The following MME variants were observed in gnomAD, a reference collection of about 807,000 sequenced individuals.
MME encodes membrane metalloendopeptidase.
MME carries 98 observed loss-of-function variants against 113.2 expected under a neutral mutation model. The ratio of observed to expected loss-of-function variants is 0.87; its 90% CI spans 0.74 to 1.02. The LOEUF (loss-of-function observed/expected upper bound fraction) is 1.02, where lower values mean the gene tolerates loss of function less well. MME is among the 50% of genes least tolerant of loss of function. The pLI is 0.00. For synonymous variants in MME, 292 were observed against 300.6 expected, an observed-to-expected ratio of 0.97 and a Z score of 0.30; for missense variants, 836 against 896.0, an observed-to-expected ratio of 0.93 and a Z score of 0.86.
chr3:155,063,668 A>ATAT (rs1714268481), intron 1 of MME, among the ~76,000 whole-genome samples: 2 of 111,392 alleles, frequency 1.8e-5, no homozygotes, highest in African/African-American at 3.5e-5. Context: ...ATAACATATT[A>ATAT]TATATTATAT....
intron 10 of MME, among the ~76,000 whole-genome samples, chr3:155,141,347 T>C (rs774704351): frequency 1.3e-5 from 2 of 152,210 alleles, no homozygotes; most frequent in Admixed American, 1.3e-4. Flanking sequence ...TGTGTCTGTG[T>C]GTGTAAAATA....
chr3:155,042,902 A>T (rs1191473195), intron 1 of MME, among the ~76,000 whole-genome samples: 50 of 50,506 alleles, frequency 9.9e-4, no homozygotes, highest in East Asian at 3.9e-3. Flanking sequence ...AGTAGGTTTT[A>T]TATATATATA....
intron 1 of MME, among the ~76,000 whole-genome samples, chr3:155,051,375 A>G (rs1713758053): frequency 2.0e-5 from 3 of 152,180 alleles, no homozygotes; most frequent in African/African-American, 7.2e-5. Context: ...CAGAAACACT[A>G]TGTGATAGTT....
At chr3:155,094,393 TACACG>T (rs1716545044) in intron 3 of MME, among the ~76,000 whole-genome samples, 1 of 152,220 alleles carries the variant, frequency 6.6e-6, no homozygotes, top group Non-Finnish European at 1.5e-5. Flanking sequence ...TATTTCATGT[TACACG>T]CCCTTCAGGG....
intron 1 of MME, among the ~76,000 whole-genome samples, chr3:155,067,149 C>G (rs1043297187): frequency 6.9e-6 from 1 of 145,250 alleles, no homozygotes; most frequent in African/African-American, 2.5e-5. Flanking sequence ...CTCCCAGAGA[C>G]TTTATTTGTA....
Position 155,142,252 on chromosome 3 carries a change from A to G in MME, c.1110A>G (p.Leu370=). ...TKYSARDLQN[L]MSWRFIMDLV... is the part of the protein sequence containing the mutation. ...TTTTATACAGAGATCTTCAAAATTT[A>G]ATGTCCTGGAGATTCATAATGGATC... The change falls in exon 12 of 23, where the codon TTA becomes TTG. Residue 370 remains leucine, a synonymous_variant. Coordinates refer to ENST00000360490, the MANE Select transcript of MME (RefSeq NM_007289.4). 3.7e-6 allele frequency: 6 copies of G among 1,613,540 alleles called. No homozygotes were observed. The highest frequency in any genetic ancestry group is 5.1e-6 in the Non-Finnish European group (6 of 1,179,640).
intron 8 of MME, among the ~76,000 whole-genome samples, chr3:155,134,719 T>A (rs1720485530): frequency 6.6e-6 from 1 of 152,200 alleles, no homozygotes; most frequent in African/African-American, 2.4e-5. Context: ...TCCAAACTGC[T>A]TTCTGTAGAG....
At chr3:155,114,966 T>G (rs769393919) in intron 3 of MME, 28 bp from the exon 4 acceptor site, 10 of 1,612,506 alleles carry the variant, frequency 6.2e-6, no homozygotes, top group Non-Finnish European at 8.5e-6. Context: ...ACCCATCATT[T>G]TATCTAGTGT....
intron 1 of MME, among the ~76,000 whole-genome samples, chr3:155,042,922 A>ATG (rs1559890095): frequency 3.8e-4 from 24 of 63,690 alleles, no homozygotes; most frequent in African/African-American, 1.4e-3. Context: ...ATATATATAT[A>ATG]TATATATATA....
At chr3:155,132,196 A>C (rs1483848554) in intron 8 of MME, among the ~76,000 whole-genome samples, 3 of 152,206 alleles carry the variant, frequency 2.0e-5, no homozygotes, top group Non-Finnish European at 4.4e-5. Context: ...CTTGATTGTC[A>C]TTCATTAGGA....
In MME at chr3:155,144,346, G is replaced by C; in HGVS notation, c.1318-13G>C. The C allele has an allele frequency of 6.3e-7, 1 of 1,575,964 alleles. No homozygotes were observed. The highest frequency in any genetic ancestry group is 8.7e-7 in the Non-Finnish European group (1 of 1,145,720). On this transcript the variant is annotated splice_polypyrimidine_tract_variant and intron_variant, in intron 13 of 22. Transcript: ENST00000360490. ...AATTAATGACCTATATTTGTCTTCT[G>C]TTCTGATTTGAGGTCGAGGATTTGA...
intron 2 of MME, 44 bp downstream of exon 2, chr3:155,084,371 A>C (rs200696169): frequency 3.2e-5 from 51 of 1,599,464 alleles, no homozygotes; most frequent in East Asian, 1.3e-4. Context: ...GCAAAAGAGA[A>C]GGAAATCTTC....
chr3:155,101,694 A>G (rs1717243316), intron 3 of MME, among the ~76,000 whole-genome samples: 1 of 151,836 alleles, frequency 6.6e-6, no homozygotes, highest in Non-Finnish European at 1.5e-5. Context: ...ATCAACACAC[A>G]CCATCTGCTG....
Position 155,084,980 on chromosome 3 carries a change from T to A in MME, c.161-79T>A, listed in dbSNP as rs1576699379. 5.9e-6 allele frequency: 6 copies of A among 1,015,194 alleles called. No individual in the cohort carries two copies. The East Asian group carries it at 1.6e-4, about 27-fold the overall frequency. The allele number at this position is 1,015,194 out of a possible 1,614,324, so 62.9% of individuals were successfully genotyped here. A position where few individuals can be genotyped will look rare whatever the true frequency, so the allele number is the denominator to read the frequency against. On this transcript the variant is annotated intron_variant, in intron 2 of 22. Coordinates refer to ENST00000360490, the MANE Select transcript of MME (RefSeq NM_007289.4). ...AAGAAATTGCTTATTTAATTGGCAGTTTTTAAAAGAACAAAAGAAAAATAG... is the reference window on the plus strand; with the variant it reads ...AAGAAATTGCTTATTTAATTGGCAGATTTTAAAAGAACAAAAGAAAAATAG...
At chr3:155,176,817 C>A (rs1465180409) in intron 22 of MME, among the ~76,000 whole-genome samples, 1 of 152,076 alleles carries the variant, frequency 6.6e-6, no homozygotes, top group Non-Finnish European at 1.5e-5. Context: ...CAGAGCGAGA[C>A]CCTGTCTCAG....
rs757112462 is a variant in MME, at chr3:155,168,718, G to A, written c.1915-14G>A. 3.1e-6 allele frequency: 5 copies of A among 1,612,344 alleles called. No homozygotes were observed. The Admixed American group carries it at 6.7e-5, about 22-fold the overall frequency. The stretch of plus-strand genomic sequence containing the variant: ...CTTTTTTTAACAATCCTAATAAAGT[G>A]TCTTTTTTAACAGCTTAATGGAATT... On this transcript the variant is annotated splice_polypyrimidine_tract_variant and intron_variant, in intron 19 of 22. Transcript: ENST00000360490.
intron 22 of MME, among the ~76,000 whole-genome samples, chr3:155,176,863 T>TAAAC (rs1212199747): frequency 1.3e-5 from 2 of 152,108 alleles, no homozygotes; most frequent in Non-Finnish European, 2.9e-5. Context: ...TTTGATGTCA[T>TAAAC]AAACACCAAA....
chr3:155,041,340 TACA>T (rs938741793), intron 1 of MME, among the ~76,000 whole-genome samples: 28 of 152,214 alleles, frequency 1.8e-4, no homozygotes, highest in Middle Eastern at 3.2e-3. Flanking sequence ...GCTAGAATTT[TACA>T]ACATTTCACC....
In MME at chr3:155,164,686, T is replaced by C. The variant is rs907834151; in HGVS notation, c.1661-2216T>C. ...GGTGGATTTTAATCAAAGTACATAGTGTGGGAGATAGTATTCACTTTAACT... is the reference window on the plus strand; with the variant it reads ...GGTGGATTTTAATCAAAGTACATAGCGTGGGAGATAGTATTCACTTTAACT... On this transcript the variant is annotated intron_variant, in intron 17 of 22. Coordinates refer to ENST00000360490, the MANE Select transcript of MME (RefSeq NM_007289.4). 2.6e-5 allele frequency among the ~76,000 whole-genome samples: 4 copies of C among 152,290 alleles called. 1 individual carries two copies. The highest frequency in any genetic ancestry group is 6.8e-3 in the Middle Eastern group (2 of 294).
Sources: allele counts gnomAD v4.1 joint callset (sites outside exome capture counted in the v4.1 genomes callset), GRCh38; gene constraint gnomAD v4.1.1; transcripts MANE v1.5; gene names NCBI Gene and HGNC (gene_info 2026-07-23, HGNC 2026-07-21).